The following ZNF695 variants were observed in gnomAD, a reference collection of about 807,000 sequenced individuals.
The protein encoded by ZNF695 is zinc finger protein 695.
A neutral mutation model predicts 11.2 loss-of-function variants in ZNF695; 11 were observed. The observed-to-expected ratio is 0.98, with a 90% CI of 0.62 to 1.62. The LOEUF (loss-of-function observed/expected upper bound fraction) is 1.62, where lower values mean the gene tolerates loss of function less well. Ranked by LOEUF, ZNF695 falls within the 40% of genes most tolerant of loss-of-function variation. ZNF695 has a pLI of 0.00. For synonymous variants in ZNF695, 190 were observed against 201.4 expected (o/e 0.94, Z 0.48); for missense variants, 559 against 590.5 (o/e 0.95, Z 0.55).
chr1:247,000,142 GAC>G, intron 1 of ZNF695, 68 bp from the exon 2 acceptor site: 11 of 1,367,606 alleles, frequency 8.0e-6, no homozygotes, highest in Non-Finnish European at 1.1e-5. Context: ...GGCAAGGAGA[GAC>G]AGTGAAGAGA....
At chr1:246,977,760 T>C (rs547731098) in intron 4 of ZNF695, among the ~76,000 whole-genome samples, 2 of 152,348 alleles carry the variant, frequency 1.3e-5, no homozygotes, top group African/African-American at 2.4e-5. Context: ...TATCAGAACA[T>C]ATGAGGTGTA....
At chr1:246,967,493 G>A (rs1020002563) in intron 5 of ZNF695, 17 of 456,018 alleles carry the variant, frequency 3.7e-5, no homozygotes, top group African/African-American at 2.6e-4. Context: ...GGGGTGACAA[G>A]GATGATGTCA....
At chr1:246,983,087 T>G (rs911062644), downstream of ZNF695, among the ~76,000 whole-genome samples, 1 of 151,452 alleles carries the variant, frequency 6.6e-6, no homozygotes. Flanking sequence ...GCCTGCAGTC[T>G]CAGCTACTTG....
intron 4 of ZNF695, among the ~76,000 whole-genome samples, chr1:246,974,145 AAAAC>A (rs1366343640): frequency 9.1e-5 from 10 of 109,700 alleles, no homozygotes; most frequent in Non-Finnish European, 1.6e-4. Flanking sequence ...TTTGGAATAA[AAAAC>A]AAACAAACAA....
At chr1:246,976,097 G>A (rs1431469037) in intron 4 of ZNF695, among the ~76,000 whole-genome samples, 3 of 152,136 alleles carry the variant, frequency 2.0e-5, no homozygotes, top group African/African-American at 4.8e-5. Context: ...TGAGGGAGAC[G>A]CTGAGGGAGA....
chr1:246,956,011 C>T (rs1419688398), intron 5 of ZNF695, among the ~76,000 whole-genome samples: 1 of 136,876 alleles, frequency 7.3e-6, no homozygotes, highest in Non-Finnish European at 1.5e-5. Flanking sequence ...TTTTTTAAGA[C>T]AGAGTCTTGC....
At chr1:246,964,496 G>A (rs1668238981) in intron 5 of ZNF695, among the ~76,000 whole-genome samples, 1 of 152,214 alleles carries the variant, frequency 6.6e-6, no homozygotes, top group African/African-American at 2.4e-5. Context: ...AAATTAAAGG[G>A]TTTTAGGAAC....
intron 4 of ZNF695, among the ~76,000 whole-genome samples, chr1:246,975,170 C>T (rs1274851203): frequency 2.0e-5 from 3 of 152,174 alleles, no homozygotes; most frequent in African/African-American, 7.2e-5. Flanking sequence ...CATATATTGT[C>T]ATTCACCATA....
intron 3 of ZNF695, among the ~76,000 whole-genome samples, chr1:246,992,032 C>T (rs1042034359): frequency 2.6e-5 from 4 of 152,038 alleles, no homozygotes; most frequent in East Asian, 1.9e-4. Flanking sequence ...GGCGTGGTGG[C>T]GGGCACCTGC....
At chr1:247,002,472 C>T (rs1249258805) in intron 1 of ZNF695, among the ~76,000 whole-genome samples, 1 of 152,084 alleles carries the variant, frequency 6.6e-6, no homozygotes, top group Admixed American at 6.6e-5. Context: ...GCATACCAAC[C>T]TCAAAGCTAG....
chr1:246,995,240 G>A (rs912029243), intron 3 of ZNF695, among the ~76,000 whole-genome samples: 1 of 152,104 alleles, frequency 6.6e-6, no homozygotes, highest in African/African-American at 2.4e-5. Flanking sequence ...TGACCAAAAT[G>A]GAATAAAACA....
At chr1:246,991,455 A>G (rs769582375) in intron 3 of ZNF695, among the ~76,000 whole-genome samples, 7 of 152,216 alleles carry the variant, frequency 4.6e-5, no homozygotes, top group Non-Finnish European at 7.3e-5. Flanking sequence ...CGAGCCAGAA[A>G]AAGCTCAGGA....
intron 2 of ZNF695, 142 bp from the exon 3 acceptor site, chr1:246,999,582 A>G: frequency 1.5e-6 from 1 of 680,638 alleles, no homozygotes; most frequent in South Asian, 2.0e-5. Flanking sequence ...AACCTTTAAT[A>G]TATGTAGGAA....
intron 4 of ZNF695, among the ~76,000 whole-genome samples, chr1:246,975,131 T>C (rs1266882168): frequency 1.3e-5 from 2 of 152,212 alleles, no homozygotes; most frequent in Non-Finnish European, 1.5e-5. Context: ...TTTAACCACA[T>C]TGTGAGTTCC....
At chr1:246,959,144 G>A (rs1490985540) in intron 5 of ZNF695, among the ~76,000 whole-genome samples, 4 of 149,776 alleles carry the variant, frequency 2.7e-5, no homozygotes, top group Admixed American at 1.3e-4. Flanking sequence ...AAAATTAGCC[G>A]GGCATGTACC....
intron 4 of ZNF695, chr1:246,969,527 C>T (rs2103011049): frequency 6.6e-6 from 1 of 152,406 alleles, no homozygotes; most frequent in East Asian, 1.9e-4. Context: ...TCTGAGCCCT[C>T]CAAACTCTTC....
At chr1:246,976,752 C>T (rs943115847) in intron 4 of ZNF695, among the ~76,000 whole-genome samples, 7 of 152,048 alleles carry the variant, frequency 4.6e-5, no homozygotes, top group African/African-American at 1.7e-4. Context: ...TGAGATCGCG[C>T]CACTGCACTC....
chr1:246,970,032 A>T (rs983943543), intron 4 of ZNF695, among the ~76,000 whole-genome samples: 5 of 152,214 alleles, frequency 3.3e-5, no homozygotes, highest in Admixed American at 3.3e-4. Context: ...ATACTTAAAG[A>T]GTCAACTTGA....
Position 246,987,059 on chromosome 1 carries a change from G to A in ZNF695, c.1456C>T (p.His486Tyr). Residue 486 changes from histidine to tyrosine, a missense_variant, in exon 4 of 4, where the codon CAT becomes TAT. Physicochemically the swap from His to Tyr is moderately conservative, Grantham distance 83. Transcript: ENST00000339986. The part of the protein sequence containing the change: ...SSHLSKHKTI[H>Y]TREKPYKCEE... ...CACTTGTATGGTTTCTCTCTGGTAT[G>A]AATTGTCTTATGTTTAGAAAGGTGT... is the stretch of plus-strand genomic sequence containing the variant. 6.2e-7 allele frequency: 1 copy of A among 1,614,060 alleles called. No homozygotes were observed. The highest frequency in any genetic ancestry group is 1.1e-5 in the South Asian group (1 of 91,076).
Sources: gnomAD v4.1 joint callset for allele counts (sites outside exome capture counted in the v4.1 genomes callset) on GRCh38, gnomAD v4.1.1 for gene constraint, MANE v1.5 for transcripts, NCBI Gene and HGNC (gene_info 2026-07-23, HGNC 2026-07-21) for gene names.